Variants in CHD1L observed in about 807,000 individuals in gnomAD.
CHD1L encodes the protein chromodomain helicase DNA binding protein 1 like.
A neutral mutation model predicts 115.9 loss-of-function variants in CHD1L; 118 were observed. The observed-to-expected ratio is 1.02, with a 90% CI of 0.88 to 1.19. The LOEUF is 1.19. Ranked by LOEUF, CHD1L falls within the 50% of genes most tolerant of loss-of-function variation. The pLI, the probability that CHD1L is intolerant of heterozygous loss-of-function variation, is 0.00. For synonymous variants in CHD1L, 411 were observed against 387.1 expected, an observed-to-expected ratio of 1.06 and a Z score of -0.72; for missense variants, 1,179 against 1,065.3, an observed-to-expected ratio of 1.11 and a Z score of -1.49.
chr1:147,180,200 T>G, the CHD1L span, among the ~76,000 whole-genome samples: 2 of 152,166 alleles, frequency 1.3e-5, no homozygotes, highest in African/African-American at 4.8e-5. Flanking sequence ...TCCAGTGTCA[T>G]GTTGTATAGT....
the CHD1L span, among the ~76,000 whole-genome samples, chr1:147,188,522 CAAAAAAAAAAAA>C: frequency 3.3e-5 from 2 of 61,252 alleles, no homozygotes; most frequent in Non-Finnish European, 6.3e-5. Flanking sequence ...GACCCCATAT[CAAAAAAAAAAAA>C]AAAAAAAAAA....
chr1:147,178,630 A>C, the CHD1L span: 2 of 1,593,688 alleles, frequency 1.3e-6, no homozygotes, highest in Non-Finnish European at 1.7e-6. Context: ...CGAGTTCCTA[A>C]AAGCAGCCAG....
At chr1:147,213,253 A>G in the CHD1L span, 11 of 1,404,550 alleles carry the variant, frequency 7.8e-6, no homozygotes, top group Admixed American at 2.5e-4. Flanking sequence ...CCCATTCCTC[A>G]GGGGTCAGGT....
the CHD1L span, among the ~76,000 whole-genome samples, chr1:147,216,229 A>G: frequency 6.6e-6 from 1 of 152,182 alleles, no homozygotes; most frequent in South Asian, 2.1e-4. Flanking sequence ...GCTCTGGTAG[A>G]AGCTAGCAGC....
chr1:147,276,026 A>G, intron 13 of CHD1L, 78 bp from the exon 14 acceptor site: 1 of 1,402,262 alleles, frequency 7.1e-7, no homozygotes. Flanking sequence ...GTTTGCTTTT[A>G]GATGTATTTA....
intron 1 of CHD1L, among the ~76,000 whole-genome samples, chr1:147,245,328 T>C (rs1254525538): frequency 8.5e-5 from 13 of 152,236 alleles, no homozygotes; most frequent in Non-Finnish European, 1.5e-5. Flanking sequence ...ACTTAGCTAC[T>C]ACCTCATGGG....
At chr1:147,198,864 A>AG in the CHD1L span, among the ~76,000 whole-genome samples, 10 of 139,340 alleles carry the variant, frequency 7.2e-5, no homozygotes, top group African/African-American at 8.1e-5. Context: ...AAAAAAAAAA[A>AG]AAAAAAAAAA....
intron 20 of CHD1L, 58 bp from the exon 21 acceptor site, chr1:147,293,550 C>T (rs1686390684): frequency 6.8e-7 from 1 of 1,472,898 alleles, no homozygotes; most frequent in Non-Finnish European, 9.5e-7. Flanking sequence ...TGGGCGGTCA[C>T]TTGGTTGAGT....
intron 14 of CHD1L, among the ~76,000 whole-genome samples, chr1:147,277,592 C>T (rs1679010703): frequency 6.6e-6 from 1 of 151,710 alleles, no homozygotes. Flanking sequence ...TTTTCTTTTT[C>T]TGACTTTCCT....
the CHD1L span, chr1:147,208,896 G>C: frequency 2.8e-4 from 449 of 1,614,100 alleles, 3 homozygotes; most frequent in South Asian, 4.6e-3. Context: ...CAAACCTTTG[G>C]TTTATCTTTT....
At chr1:147,266,188 T>G (rs782106042) in intron 8 of CHD1L, 101 bp downstream of exon 8, 21 of 1,131,882 alleles carry the variant, frequency 1.9e-5, no homozygotes, top group Non-Finnish European at 2.4e-5. Flanking sequence ...CCCAAGAATA[T>G]GGGATGGAAT....
chr1:147,252,663 G>A lies in CHD1L; in HGVS notation c.168G>A (p.Trp56Ter), dbSNP rs587645225. The A allele has an allele frequency of 2.7e-5, 43 of 1,614,062 alleles. No individual in the cohort carries two copies. In the South Asian group the frequency reaches 4.2e-4, roughly 16 times the overall value. ...LRSYQLEGVN[W>*]LAQRFHCQNG... ...CTTACCAGCTGGAGGGAGTAAACTG[G>A]CTCGCCCAGCGCTTCCATTGTCAGA... is the stretch of plus-strand genomic sequence containing the variant. Residue 56 changes from tryptophan to a stop codon, truncating the protein, a stop_gained, in exon 2 of 23, where the codon TGG becomes TGA. Coordinates refer to ENST00000369258, the MANE Select transcript of CHD1L (RefSeq NM_004284.6). LOFTEE classifies it high-confidence loss of function.
chr1:147,224,029 C>T, the CHD1L span: 3 of 417,792 alleles, frequency 7.2e-6, no homozygotes, highest in Admixed American at 2.6e-5. Context: ...TGATTGCACA[C>T]GATGCGGATC....
chr1:147,203,642 G>T, the CHD1L span: 26 of 1,331,848 alleles, frequency 2.0e-5, no homozygotes, highest in Non-Finnish European at 2.8e-5. Flanking sequence ...TTCAAGTCCA[G>T]GACATGTCTC....
At position 147,295,353 on chromosome 1, in the gene CHD1L, T is replaced by C. The variant is rs1687144433; in HGVS notation, c.2616-78T>C. On this transcript the variant is annotated intron_variant, in intron 22 of 22. Transcript: ENST00000369258. ...ACTACTTCTAGAACAGTTATTTCAA[T>C]AATTACTAGAGAACTAGTCGTTTTG... The C allele has an allele frequency of 2.7e-5, 25 of 913,496 alleles. No homozygotes were observed. The South Asian group carries it at 3.3e-4, about 12-fold the overall frequency. 56.6% of individuals were successfully genotyped at this position (913,496 alleles called of 1,614,324 possible).
the CHD1L span, among the ~76,000 whole-genome samples, chr1:147,236,550 C>G: frequency 6.6e-6 from 1 of 152,096 alleles, no homozygotes; most frequent in African/African-American, 2.4e-5. Flanking sequence ...GCAGGTTGTC[C>G]CATTGAGTGT....
chr1:147,249,783 A>G (rs587692724), intron 1 of CHD1L, among the ~76,000 whole-genome samples: 60 of 152,220 alleles, frequency 3.9e-4, no homozygotes, highest in African/African-American at 1.4e-3. Flanking sequence ...TTCAGCTATT[A>G]TTTATTTAAG....
the CHD1L span, chr1:147,212,599 C>A: frequency 6.7e-7 from 1 of 1,485,080 alleles, no homozygotes; most frequent in South Asian, 1.2e-5. Flanking sequence ...TTTGTCAAGT[C>A]ATTTGTTTTT....
At chr1:147,195,593 T>C in the CHD1L span, among the ~76,000 whole-genome samples, 2 of 152,274 alleles carry the variant, frequency 1.3e-5, no homozygotes, top group African/African-American at 4.8e-5. Flanking sequence ...ACAGTTCCAG[T>C]TGTAGGAATT....
Sources: gnomAD v4.1 joint callset for allele counts (sites outside exome capture counted in the v4.1 genomes callset) on GRCh38, gnomAD v4.1.1 for gene constraint, MANE v1.5 for transcripts, NCBI Gene and HGNC (gene_info 2026-07-23, HGNC 2026-07-21) for gene names.